Variants in POU2F1 observed in about 807,000 individuals in gnomAD.
POU2F1 encodes POU class 2 homeobox 1.
In POU2F1, 16 loss-of-function variants were observed where a neutral mutation model predicts 84.9. The ratio of observed to expected loss-of-function variants is 0.19; its 90% CI spans 0.13 to 0.29. POU2F1 has a LOEUF of 0.29. Ranked by LOEUF, POU2F1 falls within the 10% of genes least tolerant of loss-of-function variation. The pLI, the probability that POU2F1 is intolerant of heterozygous loss-of-function variation, is 1.00. For missense variants in POU2F1, 738 were observed against 942.6 expected (o/e 0.78, Z 2.84); for synonymous variants, 368 against 368.3 (o/e 1.00, Z 0.01).
chr1:167,415,822 C>T lies in POU2F1; in HGVS notation c.*12C>T, dbSNP rs753823130. ...CCAAGGCACAGTGAGCTGGGCAGAGCTGGGCTGCCAGAAGCCTTTTTCACT... is the reference window on the plus strand; with the variant it reads ...CCAAGGCACAGTGAGCTGGGCAGAGTTGGGCTGCCAGAAGCCTTTTTCACT... On this transcript the variant is annotated 3_prime_UTR_variant, in exon 16 of 16. Coordinates refer to ENST00000367866, the MANE Select transcript of POU2F1 (RefSeq NM_002697.4). 57 of 1,606,124 alleles carry T rather than the reference C, an allele frequency of 3.5e-5. No individual in the cohort carries two copies. Among genetic ancestry groups the T allele is most frequent in the Admixed American group, 1.0e-4 (6 of 59,148 alleles).
intron 12 of POU2F1, among the ~76,000 whole-genome samples, chr1:167,400,134 G>A (rs1388724550): frequency 6.6e-6 from 1 of 151,398 alleles, no homozygotes; most frequent in Non-Finnish European, 1.5e-5. Flanking sequence ...ACAGGCGCCC[G>A]CCACCAGACC....
intron 1 of POU2F1, 137 bp downstream of exon 1, chr1:167,221,095 A>C: frequency 1.2e-6 from 1 of 839,862 alleles, no homozygotes; most frequent in Non-Finnish European, 1.8e-6. Context: ...GCCGGGGAGC[A>C]TTGAGCCCCC....
chr1:167,281,384 G>A (rs896472141), intron 1 of POU2F1, among the ~76,000 whole-genome samples: 5 of 152,194 alleles, frequency 3.3e-5, no homozygotes, highest in African/African-American at 1.2e-4. Context: ...TCAGGAAGAA[G>A]GTAGTGATAA....
In POU2F1 at chr1:167,376,010, T is replaced by G; in HGVS notation, c.592-19T>G. On this transcript the variant is annotated intron_variant, in intron 6 of 15. Coordinates refer to ENST00000367866, the MANE Select transcript of POU2F1 (RefSeq NM_002697.4). ...TTATTTCAGAATCTCCAATCCATGT[T>G]TTAATTCCAATTTTTCAGGATCTTC... 6.2e-7 allele frequency: 1 copy of G among 1,613,830 alleles called. No individual in the cohort carries two copies.
In POU2F1 at chr1:167,334,459, T is replaced by A. The variant is rs536819998; in HGVS notation, c.127+1924T>A. Among the ~76,000 whole-genome samples, 7 of 152,336 alleles carry A rather than the reference T, an allele frequency of 4.6e-5. No individual in the cohort carries two copies. In the South Asian group the frequency reaches 1.4e-3, roughly 32 times the overall value. On this transcript the variant is annotated intron_variant, in intron 2 of 15. Coordinates refer to ENST00000367866, the MANE Select transcript of POU2F1 (RefSeq NM_002697.4). ...ACCATTATTTCAAATTATAGGAAAT[T>A]GAGGCACAAAACCAGCCAGGAAATA...
At chr1:167,372,126 G>A in intron 5 of POU2F1, 90 bp downstream of exon 5, 1 of 1,470,246 alleles carries the variant, frequency 6.8e-7, no homozygotes, top group Non-Finnish European at 9.2e-7. Flanking sequence ...CACCATAGCT[G>A]GTAGTAACAT....
At chr1:167,228,388 TACAA>T (rs1180944115) in intron 1 of POU2F1, among the ~76,000 whole-genome samples, 3 of 152,194 alleles carry the variant, frequency 2.0e-5, no homozygotes, top group Non-Finnish European at 4.4e-5. Flanking sequence ...CTACTAGAGA[TACAA>T]ACATAATTTA....
chr1:167,386,216 A>G lies in POU2F1; in HGVS notation c.813+2265A>G, dbSNP rs550833704. ...CTTTTTGGGGGGGTGAGGGGGAGGC[A>G]AGGTCTTGCTCTGTCACCCAGGCTG... is the stretch of plus-strand genomic sequence containing the variant. On this transcript the variant is annotated intron_variant, in intron 8 of 15. Coordinates refer to ENST00000367866, the MANE Select transcript of POU2F1 (RefSeq NM_002697.4). Among the ~76,000 whole-genome samples, 6 of 152,252 alleles carry G rather than the reference A, an allele frequency of 3.9e-5. No homozygotes were observed. The East Asian group carries it at 1.2e-3, about 29-fold the overall frequency.
In POU2F1 at chr1:167,418,056, T is replaced by A. The variant is rs186090212; in HGVS notation, c.*2246T>A. The A allele has an allele frequency of 1.7e-3, 264 of 152,346 alleles. No homozygotes were observed. Among genetic ancestry groups the A allele is most frequent in the African/African-American group, 6.1e-3 (254 of 41,576 alleles). 9.4% of individuals were successfully genotyped at this position (152,346 alleles called of 1,614,324 possible). On this transcript the variant is annotated 3_prime_UTR_variant, in exon 16 of 16. Coordinates refer to ENST00000367866, the MANE Select transcript of POU2F1 (RefSeq NM_002697.4). The stretch of plus-strand genomic sequence containing the variant: ...ACCCTTTTTGTGTGGTGTGTTTTTT[T>A]ATGTTTTGTTTTGTTTTTTAACTAA...
rs562491563 is a variant in POU2F1, at chr1:167,323,796, A to G, written c.62-8674A>G. ...CAACCTCCGCCTCCTGGGTTCAAGC[A>G]ATTCTCATGCCTCAGCCTACTGAGT... is the stretch of plus-strand genomic sequence containing the variant. On this transcript the variant is annotated intron_variant, in intron 1 of 15. Coordinates refer to ENST00000367866, the MANE Select transcript of POU2F1 (RefSeq NM_002697.4). Among the ~76,000 whole-genome samples, 202 of 152,208 alleles carry G rather than the reference A, an allele frequency of 1.3e-3. 1 individual carries two copies. Among genetic ancestry groups the G allele is most frequent in the African/African-American group, 4.5e-3 (188 of 41,534 alleles).
chr1:167,241,078 G>T (rs1244941055), intron 1 of POU2F1, among the ~76,000 whole-genome samples: 1 of 152,100 alleles, frequency 6.6e-6, no homozygotes, highest in Non-Finnish European at 1.5e-5. Context: ...GGAGGCGGAG[G>T]TTGCCGTGAG....
Position 167,399,384 on chromosome 1 carries a change from G to GCCT in POU2F1, c.1449+19_1449+20insCCT, listed in dbSNP as rs778670838. Reference sequence around the variant, plus strand: ...TTCACTGGTAAGAATAAAAAATAGGGAGTGCAAGCTCAAGGGCTAATTTTT... The same window carrying GCCT: ...TTCACTGGTAAGAATAAAAAATAGGGCCTAGTGCAAGCTCAAGGGCTAATTTTT... On this transcript the variant is annotated intron_variant, in intron 12 of 15. Coordinates refer to ENST00000367866, the MANE Select transcript of POU2F1 (RefSeq NM_002697.4). The GCCT allele has an allele frequency of 6.3e-7, 1 of 1,593,254 alleles. No individual in the cohort carries two copies. Among genetic ancestry groups the GCCT allele is most frequent in the African/African-American group, 1.3e-5 (1 of 74,226 alleles).
intron 2 of POU2F1, among the ~76,000 whole-genome samples, chr1:167,343,344 T>A (rs2101761606): frequency 6.6e-6 from 1 of 152,322 alleles, no homozygotes; most frequent in Admixed American, 6.5e-5. Context: ...CTAATAGAAA[T>A]TGAGAACATT....
chr1:167,356,891 G>A (rs76682168), intron 2 of POU2F1, among the ~76,000 whole-genome samples: 6 of 152,146 alleles, frequency 3.9e-5, no homozygotes, highest in East Asian at 1.9e-4. Flanking sequence ...GTGAGCAGGC[G>A]CAGTGTGTTT....
intron 1 of POU2F1, among the ~76,000 whole-genome samples, chr1:167,261,685 T>G (rs1232792421): frequency 1.3e-5 from 2 of 152,132 alleles, no homozygotes; most frequent in Non-Finnish European, 2.9e-5. Flanking sequence ...TTTGATTTTG[T>G]TTTTTGTTTT....
At chr1:167,240,099 A>AT (rs1215901186) in intron 1 of POU2F1, among the ~76,000 whole-genome samples, 13 of 152,198 alleles carry the variant, frequency 8.5e-5, no homozygotes, top group African/African-American at 2.9e-4. Flanking sequence ...TACAAATAAA[A>AT]TTAACATAAT....
In POU2F1 at chr1:167,329,211, C is replaced by T. The variant is rs916021177; in HGVS notation, c.62-3259C>T. 4 of 1,535,174 alleles carry T rather than the reference C, an allele frequency of 2.6e-6. No individual in the cohort carries two copies. The African/African-American group carries it at 4.1e-5, about 16-fold the overall frequency. On this transcript the variant is annotated intron_variant, in intron 1 of 15. Coordinates refer to ENST00000367866, the MANE Select transcript of POU2F1 (RefSeq NM_002697.4). ...GTTAGAAATAGTAGTACCTTCTTTC[C>T]CCACCCCAAACTGCTACCTGTTTCT... is the stretch of plus-strand genomic sequence containing the variant.
At chr1:167,353,961 A>G (rs1488118957) in intron 2 of POU2F1, among the ~76,000 whole-genome samples, 1 of 152,176 alleles carries the variant, frequency 6.6e-6, no homozygotes, top group African/African-American at 2.4e-5. Flanking sequence ...CCATCTACAT[A>G]TTTATCCTCA....
chr1:167,228,506 C>G (rs1018062607), intron 1 of POU2F1, among the ~76,000 whole-genome samples: 3 of 152,136 alleles, frequency 2.0e-5, no homozygotes, highest in Non-Finnish European at 4.4e-5. Context: ...GGAATAAGGA[C>G]GTTTGGGAGA....
Sources: allele counts gnomAD v4.1 joint callset (sites outside exome capture counted in the v4.1 genomes callset), GRCh38; gene constraint gnomAD v4.1.1; transcripts MANE v1.5; gene names NCBI Gene and HGNC (gene_info 2026-07-23, HGNC 2026-07-21).